Variants in KLHL32 observed in about 807,000 individuals in gnomAD.
KLHL32 encodes the protein kelch like family member 32.
In KLHL32, 35 loss-of-function variants were observed where a neutral mutation model predicts 64.8. That is an observed-to-expected ratio of 0.54 (90% CI 0.41 to 0.72). KLHL32 has a LOEUF of 0.72. Ranked by LOEUF, KLHL32 falls within the 30% of genes least tolerant of loss-of-function variation. The pLI is 0.00. For synonymous variants in KLHL32, 259 were observed against 281.0 expected, an observed-to-expected ratio of 0.92 and a Z score of 0.78; for missense variants, 589 against 768.5, an observed-to-expected ratio of 0.77 and a Z score of 2.76.
At chr6:97,116,586 A>C (rs906529257) in intron 7 of KLHL32, among the ~76,000 whole-genome samples, 3 of 152,158 alleles carry the variant, frequency 2.0e-5, no homozygotes, top group African/African-American at 7.2e-5. Context: ...TATTTTAATA[A>C]ATATTCCTTG....
chr6:97,042,624 A>G (rs1020187334), intron 4 of KLHL32, among the ~76,000 whole-genome samples: 2 of 147,616 alleles, frequency 1.4e-5, no homozygotes, highest in African/African-American at 5.2e-5. Flanking sequence ...CTACCTACCT[A>G]TTTTTTTTGT....
chr6:97,071,503 C>T (rs1213728592), intron 5 of KLHL32, among the ~76,000 whole-genome samples: 1 of 152,136 alleles, frequency 6.6e-6, no homozygotes, highest in Non-Finnish European at 1.5e-5. Context: ...TTTCATGCAT[C>T]TGGGGAGGGT....
chr6:97,087,920 G>A (rs1290354890), intron 6 of KLHL32, among the ~76,000 whole-genome samples: 2 of 152,158 alleles, frequency 1.3e-5, no homozygotes, highest in South Asian at 4.1e-4. Flanking sequence ...TGTGTTGTAT[G>A]CAGGCCACGG....
intron 3 of KLHL32, chr6:97,010,153 T>C (rs1231171278): frequency 7.7e-6 from 1 of 130,592 alleles, no homozygotes; most frequent in East Asian, 2.1e-4. Flanking sequence ...AAAAAAAAAG[T>C]GAGCATACAG....
chr6:97,045,326 C>T (rs1381020307), intron 4 of KLHL32, among the ~76,000 whole-genome samples: 1 of 152,118 alleles, frequency 6.6e-6, no homozygotes, highest in Non-Finnish European at 1.5e-5. Flanking sequence ...TTTTGGTTTA[C>T]AGATGTGAAG....
chr6:97,072,343 A>T (rs916752358), intron 5 of KLHL32, among the ~76,000 whole-genome samples: 2 of 152,176 alleles, frequency 1.3e-5, no homozygotes, highest in Admixed American at 1.3e-4. Context: ...CCAGTACAGA[A>T]TTCCAAAATT....
At chr6:97,034,916 C>T (rs572275003) in intron 3 of KLHL32, among the ~76,000 whole-genome samples, 5 of 152,008 alleles carry the variant, frequency 3.3e-5, no homozygotes, top group African/African-American at 9.6e-5. Flanking sequence ...TCAGGGTTTC[C>T]TACGTATATA....
chr6:96,902,639 T>C, the KLHL32 span, among the ~76,000 whole-genome samples: 6 of 152,216 alleles, frequency 3.9e-5, no homozygotes, highest in Non-Finnish European at 7.3e-5. Context: ...TTGCTTTTGG[T>C]GTCTTCGTCA....
intron 7 of KLHL32, among the ~76,000 whole-genome samples, chr6:97,114,794 C>G (rs1322509644): frequency 6.6e-6 from 1 of 152,148 alleles, no homozygotes; most frequent in Non-Finnish European, 1.5e-5. Flanking sequence ...CTCCTGTCAG[C>G]TCTTGATTAT....
At chr6:97,116,727 G>A (rs924894478) in intron 7 of KLHL32, among the ~76,000 whole-genome samples, 2 of 152,166 alleles carry the variant, frequency 1.3e-5, no homozygotes, top group Admixed American at 1.3e-4. Flanking sequence ...AGACTCGCTA[G>A]ATCCGTCGTC....
intron 6 of KLHL32, among the ~76,000 whole-genome samples, chr6:97,112,456 T>G (rs1043595369): frequency 6.6e-6 from 1 of 152,246 alleles, no homozygotes; most frequent in South Asian, 2.1e-4. Context: ...ATGATTTTTT[T>G]TTTTTCCTGA....
At chr6:97,099,713 C>T (rs1304715623) in intron 6 of KLHL32, among the ~76,000 whole-genome samples, 1 of 152,166 alleles carries the variant, frequency 6.6e-6, no homozygotes, top group Non-Finnish European at 1.5e-5. Context: ...CCGAACTAAG[C>T]CCTGCCCCCC....
At chr6:97,023,658 T>A (rs1782316778) in intron 3 of KLHL32, among the ~76,000 whole-genome samples, 1 of 152,220 alleles carries the variant, frequency 6.6e-6, no homozygotes, top group Non-Finnish European at 1.5e-5. Context: ...GAGATTTAAT[T>A]GTAAGTCCCA....
At position 96,974,051 on chromosome 6, in the gene KLHL32, G is replaced by A. The variant is rs918812653; in HGVS notation, c.24-1946G>A. Among the ~76,000 whole-genome samples, 3 of 151,878 alleles carry A rather than the reference G, an allele frequency of 2.0e-5. No homozygotes were observed. In the East Asian group the frequency reaches 5.8e-4, roughly 29 times the overall value. On this transcript the variant is annotated intron_variant, in intron 2 of 10. Transcript: ENST00000369261. ...CTCTTTTTTTTTCCTTTAAGCAGGA[G>A]GAGGAATTACATTGTTATATTCTTG...
At chr6:97,101,043 G>A (rs1206154) in intron 6 of KLHL32, among the ~76,000 whole-genome samples, 102,584 of 145,016 alleles carry the variant, frequency 0.71, 36,422 homozygotes, top group South Asian at 0.78. Context: ...TCTGGGCTCA[G>A]GCAATCCTCC....
In KLHL32 at chr6:97,139,495, T is replaced by C. The variant is rs543362683; in HGVS notation, c.*213T>C. On this transcript the variant is annotated 3_prime_UTR_variant, in exon 11 of 11. Coordinates refer to ENST00000369261, the MANE Select transcript of KLHL32 (RefSeq NM_052904.4). ...CAACATTCAATATGTATGACTTTTA[T>C]TGTGGTATAGCTTAGTGCCAATTTA... 7.5e-5 allele frequency: 40 copies of C among 530,306 alleles called. No homozygotes were observed. In the South Asian group the frequency reaches 8.3e-4, roughly 11 times the overall value. 32.9% of individuals were successfully genotyped at this position (530,306 alleles called of 1,614,324 possible).
At chr6:96,999,047 A>G (rs541616821) in intron 3 of KLHL32, among the ~76,000 whole-genome samples, 2 of 152,366 alleles carry the variant, frequency 1.3e-5, no homozygotes, top group South Asian at 4.1e-4. Flanking sequence ...GGAGGCATCT[A>G]ATAGGCAGAT....
At chr6:97,034,687 G>A (rs1784042294) in intron 3 of KLHL32, among the ~76,000 whole-genome samples, 1 of 151,848 alleles carries the variant, frequency 6.6e-6, no homozygotes, top group Admixed American at 6.6e-5. Flanking sequence ...CTTCACCAAT[G>A]TTTTATAATT....
chr6:96,910,610 G>T, the KLHL32 span, among the ~76,000 whole-genome samples: 5 of 152,102 alleles, frequency 3.3e-5, no homozygotes, highest in Non-Finnish European at 5.9e-5. Context: ...TTGTTTCTGA[G>T]AATAAAATAC....
Sources: allele counts gnomAD v4.1 joint callset (sites outside exome capture counted in the v4.1 genomes callset), GRCh38; gene constraint gnomAD v4.1.1; transcripts MANE v1.5; gene names NCBI Gene and HGNC (gene_info 2026-07-23, HGNC 2026-07-21).